The following PICALM variants were observed in gnomAD, a reference collection of about 807,000 sequenced individuals.
PICALM encodes phosphatidylinositol-binding clathrin assembly protein.
PICALM carries 40 observed loss-of-function variants against 80.5 expected under a neutral mutation model. The ratio of observed to expected loss-of-function variants is 0.50; its 90% confidence interval spans 0.39 to 0.65. The LOEUF (loss-of-function observed/expected upper bound fraction) is 0.65, where lower values mean the gene tolerates loss of function less well. PICALM is among the 30% of genes least tolerant of loss of function. The pLI is 0.00. For missense variants in PICALM, 676 were observed against 778.9 expected (o/e 0.87, Z 1.57); for synonymous variants, 288 against 260.3 (o/e 1.11, Z -1.02).
intron 19 of PICALM, among the ~76,000 whole-genome samples, chr11:85,961,256 C>T (rs777363327): frequency 1.3e-5 from 2 of 152,232 alleles, no homozygotes; most frequent in East Asian, 1.9e-4. Flanking sequence ...TCATAAGGGT[C>T]GAAAAGTCCT....
chr11:86,042,686 G>T (rs188780959), intron 1 of PICALM, among the ~76,000 whole-genome samples: 2 of 149,600 alleles, frequency 1.3e-5, no homozygotes, highest in African/African-American at 4.9e-5. Flanking sequence ...TCTAGTACTG[G>T]ATCAGAAAAA....
chr11:86,069,329 A>T (rs2096488121), upstream of PICALM: 1 of 161,406 alleles, frequency 6.2e-6, no homozygotes, highest in African/African-American at 2.4e-5. Context: ...TCTCCCTGCC[A>T]ACAGGTCGCC....
At chr11:85,968,136 C>T (rs756001628) in intron 19 of PICALM, among the ~76,000 whole-genome samples, 2 of 152,104 alleles carry the variant, frequency 1.3e-5, no homozygotes, top group Non-Finnish European at 2.9e-5. Flanking sequence ...GAGTTCAAGA[C>T]CAGTCTGATG....
rs1163915764 is a variant in PICALM, at chr11:86,001,148, G to C, written c.904C>G (p.Leu302Val). The C allele has an allele frequency of 3.1e-6, 5 of 1,613,552 alleles. No homozygotes were observed. Among genetic ancestry groups the C allele is most frequent in the East Asian group, 4.5e-5 (2 of 44,896 alleles). The change falls in exon 10 of 20, where the codon CTT becomes GTT. Residue 302 changes from leucine (L) to valine (V), a missense_variant. Leu to Val is a conservative substitution (Grantham distance 32). This residue lies in a region of PICALM where 285 missense variants were observed against 395.4 expected (regional missense o/e 0.72). Coordinates refer to ENST00000393346, the MANE Select transcript of PICALM (RefSeq NM_007166.4). ...GCCAGGGAAGACACTGCATTGGAAA[G>C]TGTAGTTGCCCTAGGATAATTGAAC... Reference protein sequence around the residue: ...DSTAASRATTLSNAVSSLAST... With the variant: ...DSTAASRATTVSNAVSSLAST...
chr11:85,992,862 A>G (rs1225854812), intron 12 of PICALM, among the ~76,000 whole-genome samples: 1 of 152,208 alleles, frequency 6.6e-6, no homozygotes, highest in Non-Finnish European at 1.5e-5. Flanking sequence ...CACCTTAGAG[A>G]AGAATATTCA....
At chr11:86,004,524 T>A (rs1487651038) in intron 8 of PICALM, among the ~76,000 whole-genome samples, 4 of 152,084 alleles carry the variant, frequency 2.6e-5, no homozygotes, top group Non-Finnish European at 5.9e-5. Flanking sequence ...TTTTTTTTTT[T>A]AATGGAAGAC....
chr11:85,986,282 C>A (rs1565295983), intron 13 of PICALM, among the ~76,000 whole-genome samples: 1 of 151,372 alleles, frequency 6.6e-6, no homozygotes, highest in East Asian at 1.9e-4. Context: ...GAAACACATA[C>A]ACCAACAAGG....
intron 19 of PICALM, among the ~76,000 whole-genome samples, chr11:85,972,927 A>G (rs2094154931): frequency 6.6e-6 from 1 of 152,214 alleles, no homozygotes; most frequent in African/African-American, 2.4e-5. Flanking sequence ...TAAACCAGTA[A>G]TGAGATTACT....
intron 17 of PICALM, chr11:85,978,377 C>T: frequency 4.4e-6 from 1 of 225,028 alleles, no homozygotes; most frequent in Non-Finnish European, 8.8e-6. Flanking sequence ...GTCAACAGTG[C>T]AAAATTTTGG....
At chr11:85,961,031 A>G (rs907991148) in intron 19 of PICALM, among the ~76,000 whole-genome samples, 1 of 149,486 alleles carries the variant, frequency 6.7e-6, no homozygotes, top group African/African-American at 2.5e-5. Context: ...AATGTCTTTT[A>G]CCCAAAAGGT....
intron 1 of PICALM, among the ~76,000 whole-genome samples, chr11:86,046,349 T>C (rs1407783745): frequency 1.3e-5 from 2 of 152,226 alleles, no homozygotes; most frequent in African/African-American, 4.8e-5. Context: ...TTCAGGCATG[T>C]TAATTAGTCA....
chr11:85,966,620 C>A (rs974876289), intron 19 of PICALM, among the ~76,000 whole-genome samples: 1 of 152,090 alleles, frequency 6.6e-6, no homozygotes, highest in African/African-American at 2.4e-5. Flanking sequence ...GAATTGTGAC[C>A]CCCCAAAAGA....
At chr11:86,012,735 T>C (rs935705004) in intron 5 of PICALM, among the ~76,000 whole-genome samples, 3 of 151,832 alleles carry the variant, frequency 2.0e-5, no homozygotes, top group Non-Finnish European at 2.9e-5. Flanking sequence ...TCGTTATATA[T>C]AGAAAAACTA....
intron 14 of PICALM, among the ~76,000 whole-genome samples, chr11:85,983,532 T>G (rs1357503189): frequency 6.6e-6 from 1 of 152,186 alleles, no homozygotes; most frequent in African/African-American, 2.4e-5. Flanking sequence ...CAGTTATTAT[T>G]CATTTCAGTA....
rs916810012 is a variant in PICALM at position 86,057,431 on chromosome 11, C to T, written c.130+11220G>A. Among the ~76,000 whole-genome samples, 10 of 152,140 alleles carry T rather than the reference C, an allele frequency of 6.6e-5. No individual in the cohort carries two copies. The East Asian group carries it at 1.2e-3, about 18-fold the overall frequency. On this transcript the variant is annotated intron_variant, in intron 1 of 19. Coordinates refer to ENST00000393346, the MANE Select transcript of PICALM (RefSeq NM_007166.4). ...GCTCGCGCCTGTAATCCCAGCTACC[C>T]GGGAGGCTGAGACAGGAGAATCGCT...
intron 1 of PICALM, among the ~76,000 whole-genome samples, chr11:86,064,804 T>G (rs1022514421): frequency 2.0e-5 from 3 of 151,926 alleles, no homozygotes; most frequent in African/African-American, 7.3e-5. Context: ...CCAGGCATGC[T>G]GGCTCACACC....
chr11:86,036,153 T>C (rs971383902), intron 1 of PICALM, among the ~76,000 whole-genome samples: 1 of 152,152 alleles, frequency 6.6e-6, no homozygotes, highest in Non-Finnish European at 1.5e-5. Context: ...CAGCAAAATT[T>C]TTTTCATATA....
chr11:86,029,969 G>C (rs1470407809), intron 2 of PICALM, among the ~76,000 whole-genome samples: 1 of 152,220 alleles, frequency 6.6e-6, no homozygotes, highest in East Asian at 1.9e-4. Context: ...GTAACACTTA[G>C]GGGAAATCAT....
At chr11:86,032,873 C>T (rs1377502547) in intron 1 of PICALM, among the ~76,000 whole-genome samples, 1 of 152,154 alleles carries the variant, frequency 6.6e-6, no homozygotes, top group African/African-American at 2.4e-5. Flanking sequence ...AATGTAACTA[C>T]CAACATTTAC....
Sources: allele counts gnomAD v4.1 joint callset (sites outside exome capture counted in the v4.1 genomes callset), GRCh38; gene constraint gnomAD v4.1.1; regional missense constraint gnomAD v4.1.1; transcripts MANE v1.5; gene names NCBI Gene and HGNC (gene_info 2026-07-23, HGNC 2026-07-21).